Variants in MYO1F observed in about 807,000 individuals in gnomAD.
MYO1F encodes unconventional myosin-If.
Under a neutral mutation model 146.6 loss-of-function variants are expected in MYO1F, and 60 were observed. The ratio of observed to expected loss-of-function variants is 0.41; its 90% CI spans 0.33 to 0.51. The LOEUF (loss-of-function observed/expected upper bound fraction) is 0.51. MYO1F is among the 20% of genes least tolerant of loss of function. The pLI, the probability that MYO1F is intolerant of heterozygous loss-of-function variation, is 0.25. For synonymous variants in MYO1F, 602 were observed against 602.1 expected (o/e 1.00, Z 0.00); for missense variants, 1,274 against 1,534.3 (o/e 0.83, Z 2.83).
rs372829266 is a variant in MYO1F at position 8,577,283 on chromosome 19, A to G, written c.3+24T>C. On this transcript the variant is annotated intron_variant, in intron 1 of 27. Coordinates refer to ENST00000644032, the MANE Select transcript of MYO1F (RefSeq NM_012335.4). This position sits in a 1 kb window ranked among gnomAD's most constrained non-coding sequence, Gnocchi z 4.3. ...TGGTGTCCCTCCTCTTTCTTCTTCCAGATCCCACCCTTGAAGGACTTACCA... is the reference window on the plus strand; with the variant it reads ...TGGTGTCCCTCCTCTTTCTTCTTCCGGATCCCACCCTTGAAGGACTTACCA... 89 of 1,613,428 alleles carry G rather than the reference A, an allele frequency of 5.5e-5. No homozygotes were observed. In the African/African-American group the frequency reaches 1.1e-3, roughly 21 times the overall value.
At chr19:8,549,285 A>G (rs1973503720) in intron 10 of MYO1F, among the ~76,000 whole-genome samples, 1 of 151,220 alleles carries the variant, frequency 6.6e-6, no homozygotes, top group Non-Finnish European at 1.5e-5. Context: ...TTTATTTTTT[A>G]TTTTGAGACA....
chr19:8,527,820 C>T (rs1455750411), intron 21 of MYO1F, among the ~76,000 whole-genome samples: 2 of 152,186 alleles, frequency 1.3e-5, no homozygotes, highest in South Asian at 2.1e-4. Context: ...GCCCTGTTGC[C>T]CAGGCTGGTC....
rs1972457201 is a variant in MYO1F at position 8,530,809 on chromosome 19, G to T, written c.2044-236C>A. On this transcript the variant is annotated intron_variant, in intron 19 of 27. Transcript: ENST00000644032. The surrounding 1 kb of genome is among the most constrained non-coding windows in gnomAD (Gnocchi z 5.8). The stretch of plus-strand genomic sequence containing the variant: ...AATCCTAGCACTTCGGGAGGCCGAG[G>T]CGGGTGGATCACCTGAGGTCAGGAG... Among the ~76,000 whole-genome samples, 1 of 152,338 alleles carries T rather than the reference G, an allele frequency of 6.6e-6. No individual in the cohort carries two copies. Among genetic ancestry groups the T allele is most frequent in the Non-Finnish European group, 1.5e-5 (1 of 68,028 alleles).
intron 10 of MYO1F, among the ~76,000 whole-genome samples, chr19:8,548,592 CTTTTTTTTTT>C (rs1288175114): frequency 1.4e-5 from 2 of 139,286 alleles, no homozygotes; most frequent in African/African-American, 3.1e-5. Context: ...CCTCTATTTT[CTTTTTTTTTT>C]TTTCTTTTTT....
chr19:8,544,658 G>A (rs556463746), intron 13 of MYO1F, among the ~76,000 whole-genome samples, 194 bp from the exon 14 acceptor site: 5 of 151,954 alleles, frequency 3.3e-5, no homozygotes, highest in Non-Finnish European at 7.4e-5. Context: ...GAAGGGATAG[G>A]GGGGCAAGGG....
chr19:8,521,526 G>T lies in MYO1F; in HGVS notation c.*2C>A, dbSNP rs753465471. On this transcript the variant is annotated 3_prime_UTR_variant, in exon 28 of 28. Transcript: ENST00000644032. ...AGAGAAGGCAGTATCCCAGGGCCCA[G>T]CTCAGATCTTCTCCACGTAGTTTCC... The T allele has an allele frequency of 1.2e-6, 2 of 1,613,878 alleles. No homozygotes were observed. The highest frequency in any genetic ancestry group is 2.7e-5 in the African/African-American group (2 of 74,944).
intron 1 of MYO1F, among the ~76,000 whole-genome samples, chr19:8,561,611 TTC>T (rs1036807754): frequency 6.7e-6 from 1 of 148,420 alleles, no homozygotes; most frequent in Non-Finnish European, 1.5e-5. Context: ...TCTTTTTTCT[TTC>T]TCTCTTTCTT....
chr19:8,574,059 C>T (rs1210365170), intron 1 of MYO1F, among the ~76,000 whole-genome samples: 1 of 152,022 alleles, frequency 6.6e-6, no homozygotes, highest in Non-Finnish European at 1.5e-5. Context: ...CACCTTTCCT[C>T]TCCAAATAAC....
At position 8,526,539 on chromosome 19, in the gene MYO1F, G is replaced by A; in HGVS notation, c.2684C>T (p.Ser895Phe). The change falls in exon 24 of 28, where the codon TCC becomes TTC. Residue 895 changes from serine (S) to phenylalanine (F), a missense_variant. By Grantham distance (155) the Ser-to-Phe change is radical. Transcript: ENST00000644032. Reference protein sequence around the residue: ...GGGGTRSVTFSRGFGDLAVLK... With the variant: ...GGGGTRSVTFFRGFGDLAVLK... ...CACTGCCAAGTCGCCGAAGCCGCGG[G>A]AGAAGGTGACGCTGCGGGTGCCGCC... is the stretch of plus-strand genomic sequence containing the variant. The A allele has an allele frequency of 6.3e-7, 1 of 1,593,974 alleles. No homozygotes were observed. Among genetic ancestry groups the A allele is most frequent in the South Asian group, 1.1e-5 (1 of 87,162 alleles).
intron 1 of MYO1F, among the ~76,000 whole-genome samples, chr19:8,567,587 C>A (rs1027730504): frequency 6.6e-6 from 1 of 152,158 alleles, no homozygotes; most frequent in Non-Finnish European, 1.5e-5. Context: ...GAACTCCCAA[C>A]CTCAGGTGAT....
intron 12 of MYO1F, among the ~76,000 whole-genome samples, chr19:8,547,324 A>AG (rs1397229404): frequency 7.0e-6 from 1 of 141,872 alleles, no homozygotes; most frequent in Non-Finnish European, 1.5e-5. Flanking sequence ...AAAAAAAAAA[A>AG]GCGGGGAATG....
At chr19:8,565,191 C>G (rs1208101435) in intron 1 of MYO1F, among the ~76,000 whole-genome samples, 2 of 152,054 alleles carry the variant, frequency 1.3e-5, no homozygotes, top group Non-Finnish European at 2.9e-5. Context: ...GCCACCACGC[C>G]TGGCTCATTT....
At position 8,544,368 on chromosome 19, in the gene MYO1F, C is replaced by T; in HGVS notation, c.1453G>A (p.Ala485Thr). 1 of 1,613,154 alleles carries T rather than the reference C, an allele frequency of 6.2e-7. No individual in the cohort carries two copies. The highest frequency in any genetic ancestry group is 1.1e-5 in the South Asian group (1 of 91,082). ...ADQTLLQKLQAAVGTHEHFNS... is the reference protein window; with the variant it reads ...ADQTLLQKLQTAVGTHEHFNS... Reference sequence around the variant, plus strand: ...AAATGCTCGTGGGTCCCCACAGCCGCCTGCAGCTTCTGCAGCAGTGTCTGG... The same window carrying T: ...AAATGCTCGTGGGTCCCCACAGCCGTCTGCAGCTTCTGCAGCAGTGTCTGG... Residue 485 changes from alanine to threonine, a missense_variant, in exon 14 of 28, where the codon GCG (alanine) becomes ACG (threonine). Ala to Thr is a moderately conservative substitution (Grantham distance 58). This residue lies in a region of MYO1F where 900 missense variants were observed against 1,155.1 expected (regional missense o/e 0.78). Transcript: ENST00000644032.
At chr19:8,559,401 G>A (rs1973985356) in intron 1 of MYO1F, among the ~76,000 whole-genome samples, 1 of 151,944 alleles carries the variant, frequency 6.6e-6, no homozygotes, top group African/African-American at 2.4e-5. Context: ...GTTAGAGGTT[G>A]TTGAGGGATG....
At chr19:8,555,401 AAAAAAG>A in intron 2 of MYO1F, 3 of 395,750 alleles carry the variant, frequency 7.6e-6, no homozygotes, top group Non-Finnish European at 4.6e-6. Context: ...AAAAAAAAAA[AAAAAAG>A]AACAAACAGG....
intron 21 of MYO1F, chr19:8,529,832 G>T: frequency 2.3e-6 from 1 of 435,650 alleles, no homozygotes; most frequent in East Asian, 4.9e-5. Flanking sequence ...TCTGTGCCGG[G>T]TAATGATGTA....
In MYO1F at chr19:8,550,638, G is replaced by C. The variant is rs200593021; in HGVS notation, c.828C>G (p.Leu276=). 3 of 1,614,136 alleles carry C rather than the reference G, an allele frequency of 1.9e-6. No individual in the cohort carries two copies. In the South Asian group the frequency reaches 3.3e-5, roughly 18 times the overall value. The part of the protein sequence containing the change: ...PPSIQQLVLQ[L]VAGILHLGNI... ...TCCCCAGGTGCAAGATCCCCGCCAC[G>C]AGCTGCAGGACCAGCTGCTGGATGC... The change falls in exon 9 of 28, where the codon CTC becomes CTG. Residue 276 remains leucine, a synonymous_variant. Coordinates refer to ENST00000644032, the MANE Select transcript of MYO1F (RefSeq NM_012335.4).
At chr19:8,559,497 G>C (rs1192461906) in intron 1 of MYO1F, among the ~76,000 whole-genome samples, 1 of 152,026 alleles carries the variant, frequency 6.6e-6, no homozygotes, top group African/African-American at 2.4e-5. Context: ...GCTGCTGTGA[G>C]TCTCCATCGT....
At chr19:8,548,447 C>T in intron 10 of MYO1F, 130 bp from the exon 11 acceptor site, 6 of 800,730 alleles carry the variant, frequency 7.5e-6, no homozygotes, top group Non-Finnish European at 1.3e-5. Flanking sequence ...CCCTCCAGCC[C>T]TCTTTAGCTC....
Sources: gnomAD v4.1 joint callset for allele counts (sites outside exome capture counted in the v4.1 genomes callset) on GRCh38, gnomAD v4.1.1 for gene constraint, gnomAD v4.1.1 regional missense constraint, Gnocchi (gnomAD v3.1) non-coding constraint, MANE v1.5 for transcripts, NCBI Gene and HGNC (gene_info 2026-07-23, HGNC 2026-07-21) for gene names.